Variants in DYM observed in about 807,000 individuals in gnomAD.
DYM encodes dyggve-Melchior-Clausen syndrome protein.
A neutral mutation model predicts 93.1 loss-of-function variants in DYM; 78 were observed. The observed-to-expected ratio is 0.84, with a 90% CI of 0.70 to 1.01. DYM has a LOEUF of 1.01. DYM is among the 50% of genes least tolerant of loss of function. The pLI is 0.00. For synonymous variants in DYM, 321 were observed against 319.7 expected (o/e 1.00, Z -0.04); for missense variants, 789 against 845.0 (o/e 0.93, Z 0.82).
In DYM at chr18:49,044,136, G is replaced by C. The variant is rs2071154147; in HGVS notation, c.2094C>G (p.Val698=). Reference sequence around the variant, plus strand: ...CTGCTGAGTTGTAGACAAGAGACCAGACATAGGGGATAAAAAACTCCTCGG... The same window carrying C: ...CTGCTGAGTTGTAGACAAGAGACCACACATAGGGGATAAAAAACTCCTCGG... ...EQPEEFFIPY[V]WSLVYNSAVG... is the part of the protein sequence containing the mutation. Residue 698 remains valine, a synonymous_variant, in exon 18 of 18, where the codon GTC becomes GTG. Transcript: ENST00000675505. 1 of 1,614,040 alleles carries C rather than the reference G, an allele frequency of 6.2e-7. No individual in the cohort carries two copies. The highest frequency in any genetic ancestry group is 8.5e-7 in the Non-Finnish European group (1 of 1,180,028).
rs78389771 is a variant in DYM, at chr18:49,263,932, T to C, written c.1252-5439A>G. On this transcript the variant is annotated intron_variant, in intron 11 of 17. Transcript: ENST00000675505. ...CAGTCATAGAAGACTTCTATGAGGATAGAAAGTTTGATTGATTAGCCTGGT... is the reference window on the plus strand; with the variant it reads ...CAGTCATAGAAGACTTCTATGAGGACAGAAAGTTTGATTGATTAGCCTGGT... Among the ~76,000 whole-genome samples the C allele has an allele frequency of 2.7e-3, 410 of 152,228 alleles. 2 individuals carry two copies. The highest frequency in any genetic ancestry group is 9.6e-3 in the African/African-American group (399 of 41,546).
At chr18:49,398,733 G>A (rs112892835) in intron 2 of DYM, among the ~76,000 whole-genome samples, 26 of 152,242 alleles carry the variant, frequency 1.7e-4, no homozygotes, top group African/African-American at 5.3e-4. Context: ...CTGGCATATA[G>A]TAAGTAAAAC....
Position 49,292,608 on chromosome 18 carries a change from A to ACAAAAAAACAAAAC in DYM, c.764-5993_764-5992insGTTTTGTTTTTTTG, listed in dbSNP as rs1568188855. On this transcript the variant is annotated intron_variant, in intron 8 of 17. Coordinates refer to ENST00000675505, the MANE Select transcript of DYM (RefSeq NM_001353214.3). Reference sequence around the variant, plus strand: ...TTCCTGTTGGAAAAAAAAAAAAAAAAAAAAAAAAAAAAAAAAACCCCCACA... The same window carrying ACAAAAAAACAAAAC: ...TTCCTGTTGGAAAAAAAAAAAAAAAACAAAAAAACAAAACAAAAAAAAAAAAAAAAACCCCCACA... Among the ~76,000 whole-genome samples the ACAAAAAAACAAAAC allele has an allele frequency of 2.0e-4, 17 of 83,914 alleles. 1 individual carries two copies. Among genetic ancestry groups the ACAAAAAAACAAAAC allele is most frequent in the African/African-American group, 9.4e-4 (14 of 14,864 alleles). 55.1% of individuals were successfully genotyped at this position (83,914 alleles called of 152,430 possible).
At chr18:49,335,037 G>A (rs927854237) in intron 6 of DYM, among the ~76,000 whole-genome samples, 2 of 152,190 alleles carry the variant, frequency 1.3e-5, no homozygotes, top group South Asian at 4.1e-4. Context: ...AACCTGGGAG[G>A]CGGAAGTTGC....
chr18:49,235,143 T>C (rs1455862698), intron 13 of DYM, among the ~76,000 whole-genome samples: 2 of 152,194 alleles, frequency 1.3e-5, no homozygotes, highest in South Asian at 2.1e-4. Context: ...ATCTACAGAA[T>C]TGTGGGATAA....
chr18:49,142,853 T>C (rs1428596100), intron 15 of DYM, among the ~76,000 whole-genome samples: 1 of 152,210 alleles, frequency 6.6e-6, no homozygotes, highest in Admixed American at 6.5e-5. Flanking sequence ...GATAAGGTGC[T>C]ATTGATAAAA....
intron 2 of DYM, among the ~76,000 whole-genome samples, chr18:49,423,545 G>A (rs575036492): frequency 8.9e-4 from 135 of 152,094 alleles, no homozygotes; most frequent in African/African-American, 2.7e-3. Context: ...AACTAAGATC[G>A]GAGCAGAACT....
chr18:49,383,315 T>C (rs1388422152), intron 3 of DYM, among the ~76,000 whole-genome samples: 1 of 152,086 alleles, frequency 6.6e-6, no homozygotes, highest in Non-Finnish European at 1.5e-5. Context: ...TATTTAGAGA[T>C]ACATATTCGG....
At chr18:49,128,013 AACACTCTGGAAAGTCGTTCTTTAACAT>A (rs1370419757) in intron 15 of DYM, among the ~76,000 whole-genome samples, 2 of 152,224 alleles carry the variant, frequency 1.3e-5, no homozygotes, top group African/African-American at 2.4e-5. Context: ...CCTCAACCAC[AACACTCTGGAAAGTCGTTCTTTAACAT>A]ACACTACTGC....
rs145629617 is a variant in DYM at position 49,124,938 on chromosome 18, A to G, written c.1729-6012T>C. ...GAGTGGCTAATTATAATTTTCTGTC[A>G]ATATTTACTTTAATATGTAACACTC... On this transcript the variant is annotated intron_variant, in intron 15 of 17. Coordinates refer to ENST00000675505, the MANE Select transcript of DYM (RefSeq NM_001353214.3). Among the ~76,000 whole-genome samples the G allele has an allele frequency of 8.5e-5, 13 of 152,344 alleles. No individual in the cohort carries two copies. In the East Asian group the frequency reaches 2.5e-3, roughly 29 times the overall value.
At chr18:49,332,367 G>T (rs187734674) in intron 7 of DYM, among the ~76,000 whole-genome samples, 1 of 152,140 alleles carries the variant, frequency 6.6e-6, no homozygotes, top group Non-Finnish European at 1.5e-5. Context: ...CTCCCAAAGT[G>T]CTGAGATTAC....
At chr18:49,323,008 A>G (rs2062605727) in intron 8 of DYM, among the ~76,000 whole-genome samples, 1 of 152,192 alleles carries the variant, frequency 6.6e-6, no homozygotes, top group Non-Finnish European at 1.5e-5. Flanking sequence ...TCTACAGTCC[A>G]GTACGTCCCT....
intron 8 of DYM, among the ~76,000 whole-genome samples, chr18:49,328,120 T>C (rs570051584): frequency 1.6e-4 from 24 of 152,306 alleles, no homozygotes; most frequent in African/African-American, 5.5e-4. Context: ...CTATTTCTGA[T>C]AGATGAGCCT....
chr18:49,129,695 G>A (rs1458147946), intron 15 of DYM, among the ~76,000 whole-genome samples: 2 of 152,120 alleles, frequency 1.3e-5, no homozygotes, highest in Non-Finnish European at 2.9e-5. Flanking sequence ...TGGAGCAGGC[G>A]ACTGAAGAGG....
At chr18:49,388,450 A>C (rs570369692) in intron 3 of DYM, among the ~76,000 whole-genome samples, 2 of 152,220 alleles carry the variant, frequency 1.3e-5, no homozygotes, top group African/African-American at 4.8e-5. Context: ...AAGGCCTAAC[A>C]AGTATATGGG....
Position 49,097,489 on chromosome 18 carries a change from C to G in DYM, c.1938G>C (p.Leu646Phe). ...CTGACAGCTCAGCTCCAGCTTGCAG[C>G]AACCTTGAGCTAAAGAAGGAGATCA... ...DLVISFFSSR[L>F]LQAGAELSVE... The change falls in exon 17 of 18, where the codon TTG becomes TTC. Residue 646 changes from leucine (L) to phenylalanine (F), a missense_variant. Leu to Phe is a conservative substitution (Grantham distance 22). This residue lies in a region of DYM where 114 missense variants were observed against 105.8 expected (regional missense o/e 1.08). Coordinates refer to ENST00000675505, the MANE Select transcript of DYM (RefSeq NM_001353214.3). 1 of 1,614,004 alleles carries G rather than the reference C, an allele frequency of 6.2e-7. No homozygotes were observed. Among genetic ancestry groups the G allele is most frequent in the Non-Finnish European group, 8.5e-7 (1 of 1,179,926 alleles).
At chr18:49,220,815 T>A (rs2093319630) in intron 13 of DYM, among the ~76,000 whole-genome samples, 1 of 152,192 alleles carries the variant, frequency 6.6e-6, no homozygotes, top group Non-Finnish European at 1.5e-5. Flanking sequence ...GAAGAAAACC[T>A]AGGCAATACC....
chr18:49,341,406 C>A (rs1328883908), intron 6 of DYM, among the ~76,000 whole-genome samples: 1 of 136,360 alleles, frequency 7.3e-6, no homozygotes, highest in Non-Finnish European at 1.5e-5. Context: ...GCAGGGGAAT[C>A]GCTTGAACCT....
chr18:49,260,750 T>C (rs1404740838), intron 11 of DYM, among the ~76,000 whole-genome samples: 3 of 152,058 alleles, frequency 2.0e-5, no homozygotes, highest in Non-Finnish European at 4.4e-5. Flanking sequence ...GTCTCAAGAT[T>C]TTTGAGGGAA....
Sources: gnomAD v4.1 joint callset for allele counts (sites outside exome capture counted in the v4.1 genomes callset) on GRCh38, gnomAD v4.1.1 for gene constraint, gnomAD v4.1.1 regional missense constraint, MANE v1.5 for transcripts, NCBI Gene and HGNC (gene_info 2026-07-23, HGNC 2026-07-21) for gene names.